Variants in COL4A2 observed in about 807,000 individuals in gnomAD.
COL4A2 encodes the protein collagen alpha-2(IV) chain.
Under a neutral mutation model 200.2 loss-of-function variants are expected in COL4A2, and 99 were observed. The observed-to-expected ratio is 0.49, with a 90% CI of 0.42 to 0.58. The LOEUF (loss-of-function observed/expected upper bound fraction) is 0.58, where lower values mean the gene tolerates loss of function less well. Among genes scored for constraint, COL4A2 ranks in the 20% least tolerant of loss-of-function variants. COL4A2 has a pLI of 0.00. For synonymous variants in COL4A2, 897 were observed against 900.6 expected (o/e 1.00, Z 0.07); for missense variants, 1,950 against 2,314.1 (o/e 0.84, Z 3.23).
At chr13:110,437,880 T>C in intron 13 of COL4A2, 122 bp from the exon 14 acceptor site, 1 of 832,836 alleles carries the variant, frequency 1.2e-6, no homozygotes, top group Non-Finnish European at 2.0e-6. Context: ...TTGTAATCAA[T>C]TTATGATGAT....
intron 25 of COL4A2, 130 bp from the exon 26 acceptor site, chr13:110,465,873 A>G: frequency 8.6e-7 from 1 of 1,159,948 alleles, no homozygotes; most frequent in Non-Finnish European, 1.2e-6. Flanking sequence ...TTCCCTGCCC[A>G]TTTCAAAGCC....
chr13:110,310,270 A>G (rs1275719329), intron 3 of COL4A2, among the ~76,000 whole-genome samples: 2 of 152,118 alleles, frequency 1.3e-5, no homozygotes, highest in South Asian at 2.1e-4. Flanking sequence ...CCCAGACCTA[A>G]ACCCTGAAAG....
Position 110,424,720 on chromosome 13 carries a change from T to C in COL4A2, c.181-14T>C, listed in dbSNP as rs1348169415. 1 of 1,570,320 alleles carries C rather than the reference T, an allele frequency of 6.4e-7. No homozygotes were observed. Among genetic ancestry groups the C allele is most frequent in the Non-Finnish European group, 8.7e-7 (1 of 1,150,796 alleles). The stretch of plus-strand genomic sequence containing the variant: ...TGATTAATCGTGGAAATTGAACCTT[T>C]GTTGTTCCCACAGGGTCAGCCTGGG... On this transcript the variant is annotated splice_polypyrimidine_tract_variant and intron_variant, in intron 4 of 47. Transcript: ENST00000360467.
intron 13 of COL4A2, 104 bp downstream of exon 13, chr13:110,436,471 A>G (rs1670981280): frequency 7.0e-6 from 10 of 1,430,786 alleles, no homozygotes; most frequent in Non-Finnish European, 9.3e-6. Context: ...AAAAAGCCTC[A>G]CCACCAACTT....
chr13:110,493,062 CGATGAGT>C, intron 38 of COL4A2, 142 bp from the exon 39 acceptor site: 20 of 865,984 alleles, frequency 2.3e-5, no homozygotes, highest in South Asian at 7.0e-5. Flanking sequence ...GGTGAAATAA[CGATGAGT>C]GACACCCCCA....
chr13:110,473,999 C>T (rs185109724), intron 29 of COL4A2, among the ~76,000 whole-genome samples: 87 of 152,214 alleles, frequency 5.7e-4, no homozygotes, highest in Middle Eastern at 3.4e-3. Flanking sequence ...TGGTGCTGTG[C>T]ACCTGTAATC....
chr13:110,457,828 C>A, intron 21 of COL4A2: 1 of 470,288 alleles, frequency 2.1e-6, no homozygotes. Flanking sequence ...CTGTCCATAG[C>A]AAGGTGCTGG....
At chr13:110,414,833 G>A (rs997939863) in intron 4 of COL4A2, among the ~76,000 whole-genome samples, 1 of 152,236 alleles carries the variant, frequency 6.6e-6, no homozygotes, top group Non-Finnish European at 1.5e-5. Flanking sequence ...CATAATGTAT[G>A]AGAAGGAAAT....
rs1423846979 is a variant in COL4A2 at position 110,489,757 on chromosome 13, G to T, written c.3318G>T (p.Lys1106Asn). The change falls in exon 36 of 48, where the codon AAG becomes AAT. Residue 1106 changes from lysine to asparagine, a missense_variant. Physicochemically the swap from Lys to Asn is moderately conservative, Grantham distance 94. Around this residue, in one of 2 missense-constraint regions of COL4A2, gnomAD observed 1,385 missense variants for 1,720.5 expected, o/e 0.80. Coordinates refer to ENST00000360467, the MANE Select transcript of COL4A2 (RefSeq NM_001846.4). ...ATTTACCAGGAAGACCAGGCCTGAAGGGGGAGCGGGGCACCACTGGAATAC... is the reference window on the plus strand; with the variant it reads ...ATTTACCAGGAAGACCAGGCCTGAATGGGGAGCGGGGCACCACTGGAATAC... ...TINLPGRPGL[K>N]GERGTTGIPG... 1.2e-6 allele frequency: 2 copies of T among 1,612,914 alleles called. No homozygotes were observed. Among genetic ancestry groups the T allele is most frequent in the South Asian group, 2.2e-5 (2 of 90,640 alleles).
At chr13:110,351,568 C>T (rs1188530343) in intron 3 of COL4A2, among the ~76,000 whole-genome samples, 1 of 152,192 alleles carries the variant, frequency 6.6e-6, no homozygotes, top group African/African-American at 2.4e-5. Flanking sequence ...ATGTATAATT[C>T]ACATTTATTT....
At position 110,478,183 on chromosome 13, in the gene COL4A2, C is replaced by T. The variant is rs746506029; in HGVS notation, c.2587+19C>T. ...CGTGAAGGTAAGACCCCAGCCCTCC[C>T]ATAAACGAGTGGGGTCCTCACTGGT... On this transcript the variant is annotated intron_variant, in intron 30 of 47. Transcript: ENST00000360467. The T allele has an allele frequency of 1.3e-6, 2 of 1,549,004 alleles. No homozygotes were observed. The highest frequency in any genetic ancestry group is 1.7e-6 in the Non-Finnish European group (2 of 1,145,708).
chr13:110,430,870 T>C (rs959346475), intron 10 of COL4A2: 4 of 675,220 alleles, frequency 5.9e-6, no homozygotes, highest in Non-Finnish European at 1.1e-5. Flanking sequence ...CAGGGTGCCC[T>C]TCCATCCCCA....
intron 10 of COL4A2, 115 bp from the exon 11 acceptor site, chr13:110,432,210 A>T: frequency 1.5e-6 from 2 of 1,324,476 alleles, no homozygotes; most frequent in Non-Finnish European, 2.0e-6. Flanking sequence ...ACCTCCATGC[A>T]TCCTACACTG....
chr13:110,391,479 T>C (rs1594187643), intron 4 of COL4A2, among the ~76,000 whole-genome samples: 1 of 152,170 alleles, frequency 6.6e-6, no homozygotes, highest in Non-Finnish European at 1.5e-5. Flanking sequence ...TCTGTTGAGT[T>C]AAAAGAATAT....
At chr13:110,364,061 C>T (rs1229728110) in intron 4 of COL4A2, among the ~76,000 whole-genome samples, 6 of 152,180 alleles carry the variant, frequency 3.9e-5, no homozygotes, top group South Asian at 2.1e-4. Context: ...TGCTGCTGGT[C>T]GGACCTCTTT....
intron 3 of COL4A2, among the ~76,000 whole-genome samples, chr13:110,329,987 A>G (rs945865711): frequency 6.6e-6 from 1 of 152,214 alleles, no homozygotes; most frequent in African/African-American, 2.4e-5. Flanking sequence ...TGACAGATTC[A>G]AGTATATGTC....
intron 3 of COL4A2, among the ~76,000 whole-genome samples, chr13:110,354,346 C>T (rs1877097098): frequency 6.6e-6 from 1 of 152,166 alleles, no homozygotes; most frequent in Non-Finnish European, 1.5e-5. Flanking sequence ...TGGTGCTAAA[C>T]TTTCTGGCTT....
At chr13:110,330,617 G>A (rs987329743) in intron 3 of COL4A2, among the ~76,000 whole-genome samples, 7 of 152,114 alleles carry the variant, frequency 4.6e-5, no homozygotes, top group Admixed American at 6.5e-5. Flanking sequence ...CCAAGTGTCC[G>A]ATGTCTGTCT....
At chr13:110,326,682 G>A (rs1156601172) in intron 3 of COL4A2, among the ~76,000 whole-genome samples, 5 of 152,116 alleles carry the variant, frequency 3.3e-5, no homozygotes, top group African/African-American at 1.2e-4. Flanking sequence ...CTGCTGCCCC[G>A]CGCCTGTCTG....
Sources: gnomAD v4.1 joint callset for allele counts (sites outside exome capture counted in the v4.1 genomes callset) on GRCh38, gnomAD v4.1.1 for gene constraint, gnomAD v4.1.1 regional missense constraint, MANE v1.5 for transcripts, NCBI Gene and HGNC (gene_info 2026-07-23, HGNC 2026-07-21) for gene names.